The following CAPN13 variants were observed in gnomAD, a reference collection of about 807,000 sequenced individuals.
The protein encoded by CAPN13 is calpain 13.
In CAPN13, 90 loss-of-function variants were observed where a neutral mutation model predicts 98.4. That is an observed-to-expected ratio of 0.92 (90% CI 0.77 to 1.09). CAPN13 has a LOEUF of 1.09. Among genes scored for constraint, CAPN13 ranks in the 50% least tolerant of loss-of-function variants. CAPN13 has a pLI of 0.00. For synonymous variants in CAPN13, 330 were observed against 305.5 expected (o/e 1.08, Z -0.84); for missense variants, 887 against 841.3 (o/e 1.05, Z -0.67).
chr2:30,741,775 A>G, intron 15 of CAPN13, 133 bp downstream of exon 15: 2 of 1,521,504 alleles, frequency 1.3e-6, no homozygotes, highest in Non-Finnish European at 1.8e-6. Context: ...CGATCCAGGA[A>G]GAGAGGCAGG....
At chr2:30,760,308 C>T (rs1483946662) in intron 7 of CAPN13, among the ~76,000 whole-genome samples, 1 of 152,148 alleles carries the variant, frequency 6.6e-6, no homozygotes, top group Non-Finnish European at 1.5e-5. Context: ...GATGGATACG[C>T]AGTTTATTGT....
intron 10 of CAPN13, among the ~76,000 whole-genome samples, chr2:30,751,851 G>C (rs1967561): frequency 0.27 from 40,613 of 152,202 alleles, 6,136 homozygotes; most frequent in Non-Finnish European, 0.32. Flanking sequence ...TCATAGCATG[G>C]ACGTGCTGCG....
chr2:30,743,278 A>C, intron 13 of CAPN13, 105 bp downstream of exon 13: 1 of 1,022,700 alleles, frequency 9.8e-7, no homozygotes, highest in Non-Finnish European at 1.5e-6. Flanking sequence ...CCCCAGTGAC[A>C]TAGCACAGGC....
intron 22 of CAPN13, among the ~76,000 whole-genome samples, chr2:30,724,553 G>A (rs1336059858): frequency 1.3e-5 from 2 of 152,022 alleles, no homozygotes; most frequent in South Asian, 2.1e-4. Flanking sequence ...CCTCCTCCTT[G>A]GTTTATGCCC....
intron 18 of CAPN13, among the ~76,000 whole-genome samples, chr2:30,735,539 C>G (rs1352069064): frequency 6.6e-6 from 1 of 152,148 alleles, no homozygotes; most frequent in Admixed American, 6.5e-5. Context: ...CATTTTGAAC[C>G]CCTGCTGTGT....
chr2:30,741,786 TA>T, intron 15 of CAPN13, 121 bp downstream of exon 15: 1 of 1,526,438 alleles, frequency 6.6e-7, no homozygotes. Flanking sequence ...GAGAGGCAGG[TA>T]AAATAGTCCA....
chr2:30,807,234 AC>A (rs1298037938), intron 1 of CAPN13, 67 bp downstream of exon 1: 1 of 152,186 alleles, frequency 6.6e-6, no homozygotes, highest in East Asian at 1.9e-4. Flanking sequence ...AGAAAATTGT[AC>A]ATGCTCACTA....
chr2:30,751,634 G>A (rs1004032932), intron 10 of CAPN13, among the ~76,000 whole-genome samples: 4 of 152,204 alleles, frequency 2.6e-5, no homozygotes, highest in African/African-American at 9.7e-5. Context: ...CAGGAAAACA[G>A]GCAGTGAGAT....
chr2:30,784,809 C>T (rs1674178665), intron 2 of CAPN13, among the ~76,000 whole-genome samples: 1 of 152,158 alleles, frequency 6.6e-6, no homozygotes, highest in African/African-American at 2.4e-5. Flanking sequence ...CAAAATGAGG[C>T]TCACAACAGT....
chr2:30,752,561 G>A (rs1353370793), intron 10 of CAPN13, among the ~76,000 whole-genome samples: 1 of 152,166 alleles, frequency 6.6e-6, no homozygotes, highest in Non-Finnish European at 1.5e-5. Context: ...TTGTGTCTAG[G>A]TAGTGCTCTC....
At chr2:30,796,183 T>C (rs543301211) in intron 1 of CAPN13, among the ~76,000 whole-genome samples, 33 of 141,194 alleles carry the variant, frequency 2.3e-4, no homozygotes, top group South Asian at 1.3e-3. Context: ...TATATATATA[T>C]ACATATATAT....
chr2:30,776,163 T>C (rs1673681646), intron 3 of CAPN13, 118 bp from the exon 4 acceptor site: 1 of 613,630 alleles, frequency 1.6e-6, no homozygotes, highest in Non-Finnish European at 2.8e-6. Context: ...ATGCATTTTT[T>C]TTTCCTCTGA....
At chr2:30,800,157 A>AAAGAAAGAAAGAAAGT (rs1675170302) in intron 1 of CAPN13, among the ~76,000 whole-genome samples, 6 of 150,378 alleles carry the variant, frequency 4.0e-5, no homozygotes, top group African/African-American at 1.5e-4. Context: ...AGAAAGAAAG[A>AAAGAAAGAAAGAAAGT]AAGAAAGAAA....
intron 8 of CAPN13, among the ~76,000 whole-genome samples, chr2:30,756,393 C>T (rs963490961): frequency 2.0e-5 from 3 of 152,200 alleles, no homozygotes; most frequent in African/African-American, 4.8e-5. Context: ...AACTCAAGTT[C>T]AGTCCCATCC....
chr2:30,780,479 C>G (rs1673928526), intron 2 of CAPN13, among the ~76,000 whole-genome samples: 1 of 152,194 alleles, frequency 6.6e-6, no homozygotes, highest in East Asian at 1.9e-4. Context: ...AATTTGTATC[C>G]TTTCAATAAA....
intron 5 of CAPN13, among the ~76,000 whole-genome samples, chr2:30,769,098 T>C (rs1369795207): frequency 6.6e-6 from 1 of 152,108 alleles, no homozygotes; most frequent in African/African-American, 2.4e-5. Context: ...ACAGATGGGA[T>C]CTGTGGCTTC....
rs1672951237 is a variant in CAPN13 at position 30,763,503 on chromosome 2, T to A, written c.700-347A>T. On this transcript the variant is annotated intron_variant, in intron 6 of 22. Transcript: ENST00000295055. ...GTCAGGAATCACTTGACCCCCACAT[T>A]GGGAGTAACTGGAGTTTAAACTGCA... 2.0e-5 allele frequency among the ~76,000 whole-genome samples: 3 copies of A among 152,238 alleles called. No individual in the cohort carries two copies. In the South Asian group the frequency reaches 6.2e-4, roughly 32 times the overall value.
At chr2:30,734,277 C>T (rs760496256) in intron 19 of CAPN13, among the ~76,000 whole-genome samples, 172 bp downstream of exon 19, 4 of 152,192 alleles carry the variant, frequency 2.6e-5, no homozygotes, top group Non-Finnish European at 5.9e-5. Flanking sequence ...GTGTTTGAGT[C>T]TGCAACCGTG....
At chr2:30,740,244 GC>G (rs1671588995) in intron 15 of CAPN13, among the ~76,000 whole-genome samples, 1 of 152,000 alleles carries the variant, frequency 6.6e-6, no homozygotes, top group Admixed American at 6.5e-5. Flanking sequence ...ACAGGCGTGC[GC>G]TACCATGCCC....
Sources: gnomAD v4.1 joint callset for allele counts (sites outside exome capture counted in the v4.1 genomes callset) on GRCh38, gnomAD v4.1.1 for gene constraint, MANE v1.5 for transcripts, NCBI Gene and HGNC (gene_info 2026-07-23, HGNC 2026-07-21) for gene names.